RTL4: variants seen among roughly 807,000 people sequenced by gnomAD.
RTL4 encodes retrotransposon Gag-like protein 4.
In RTL4, 4 loss-of-function variants were observed where a neutral mutation model predicts 5.3. The observed-to-expected ratio is 0.75, with a 90% CI of 0.37 to 1.72. RTL4 has a LOEUF of 1.72. RTL4 is among the 40% of genes most tolerant of loss of function. The pLI, the probability that RTL4 is intolerant of heterozygous loss-of-function variation, is 0.04. For missense variants in RTL4, 260 were observed against 227.1 expected (o/e 1.14, Z -0.93); for synonymous variants, 98 against 87.3 (o/e 1.12, Z -0.68).
chrX:112,145,012 T>A, the RTL4 span, among the ~76,000 whole-genome samples: 1 of 111,186 alleles, frequency 9.0e-6, no homozygotes, highest in East Asian at 2.8e-4. Flanking sequence ...TCCTTTTTTT[T>A]TCCTGTAGCA....
the RTL4 span, among the ~76,000 whole-genome samples, chrX:112,126,099 T>C: frequency 0.18 from 19,771 of 110,841 alleles, 2,818 homozygotes; most frequent in African/African-American, 0.48. Flanking sequence ...ATTCCACCCC[T>C]GCAGAAGACT....
At chrX:112,362,936 G>T in the RTL4 span, among the ~76,000 whole-genome samples, 193 of 110,853 alleles carry the variant, frequency 1.7e-3, no homozygotes, top group East Asian at 4.3e-3. Context: ...CCATCCCAAG[G>T]TCTGAGCTGT....
At chrX:112,198,102 T>C in the RTL4 span, among the ~76,000 whole-genome samples, 6 of 111,596 alleles carry the variant, frequency 5.4e-5, no homozygotes, top group Admixed American at 1.9e-4. Context: ...AAGCAGATAA[T>C]GGAGCACTAA....
In RTL4 at chrX:112,456,560, A is replaced by T. The variant is rs771175686; in HGVS notation, c.*899A>T. 5 of 293,387 alleles carry T rather than the reference A, an allele frequency of 1.7e-5. No individual in the cohort carries two copies. In the South Asian group the frequency reaches 1.2e-3, roughly 71 times the overall value. 24.2% of individuals were successfully genotyped at this position (293,387 alleles called of 1,213,427 possible). A position where few individuals can be genotyped will look rare whatever the true frequency, so the allele number is the denominator to read the frequency against. On this transcript the variant is annotated 3_prime_UTR_variant, in exon 1 of 1. Transcript: ENST00000340433. Reference sequence around the variant, plus strand: ...TAGTGAGAGTTGGGGATGGTGTGTCATAATTACTGTATCTGTAGCATGTCC... The same window carrying T: ...TAGTGAGAGTTGGGGATGGTGTGTCTTAATTACTGTATCTGTAGCATGTCC...
the RTL4 span, among the ~76,000 whole-genome samples, chrX:112,254,244 T>TA: frequency 2.7e-5 from 3 of 111,637 alleles, no homozygotes; most frequent in East Asian, 5.6e-4. Context: ...ATGTAAAAGA[T>TA]GTGAAAGACA....
the RTL4 span, among the ~76,000 whole-genome samples, chrX:112,236,030 G>T: frequency 2.7e-5 from 3 of 110,931 alleles, no homozygotes; most frequent in African/African-American, 6.5e-5. Flanking sequence ...CTTTGGAGGC[G>T]GAGTAGGAAA....
chrX:112,104,050 TACCTCTCTCC>T, the RTL4 span, among the ~76,000 whole-genome samples: 1 of 111,533 alleles, frequency 9.0e-6, no homozygotes, highest in African/African-American at 3.3e-5. Flanking sequence ...TCCAAGCCTC[TACCTCTCTCC>T]ATTGCCCTAG....
At chrX:112,239,909 T>C in the RTL4 span, among the ~76,000 whole-genome samples, 1 of 111,704 alleles carries the variant, frequency 9.0e-6, no homozygotes, top group Non-Finnish European at 1.9e-5. Flanking sequence ...TATCCGAGGA[T>C]ACAACTGAGA....
the RTL4 span, among the ~76,000 whole-genome samples, chrX:112,315,497 A>T: frequency 9.0e-5 from 10 of 111,622 alleles, no homozygotes; most frequent in African/African-American, 2.9e-4. Flanking sequence ...TTAAAAATTC[A>T]TGTGAATCTG....
chrX:112,395,740 A>G, the RTL4 span, among the ~76,000 whole-genome samples: 1 of 111,392 alleles, frequency 9.0e-6, no homozygotes, highest in Admixed American at 9.6e-5. Flanking sequence ...TCAGAGAAGC[A>G]ACTTTAGAGG....
the RTL4 span, among the ~76,000 whole-genome samples, chrX:112,368,893 A>T: frequency 8.9e-6 from 1 of 112,532 alleles, no homozygotes; most frequent in African/African-American, 3.2e-5. Context: ...TAATAACCAG[A>T]TGTTGATGTA....
chrX:112,232,903 T>C, the RTL4 span, among the ~76,000 whole-genome samples: 2 of 110,861 alleles, frequency 1.8e-5, no homozygotes, highest in African/African-American at 3.3e-5. Flanking sequence ...CCAAAAATCC[T>C]CACCCTATTT....
At chrX:112,288,696 A>G in the RTL4 span, among the ~76,000 whole-genome samples, 2 of 111,710 alleles carry the variant, frequency 1.8e-5, no homozygotes, top group Non-Finnish European at 3.8e-5. Context: ...GCTCTTCTCT[A>G]TACCATCCTT....
the RTL4 span, among the ~76,000 whole-genome samples, chrX:112,302,001 T>C: frequency 0.24 from 25,326 of 106,748 alleles, 2,506 homozygotes; most frequent in Admixed American, 0.34. Context: ...TGGCTCACGC[T>C]TGTAATCCCA....
chrX:112,370,877 A>G, the RTL4 span, among the ~76,000 whole-genome samples: 1 of 110,496 alleles, frequency 9.1e-6, no homozygotes, highest in Non-Finnish European at 1.9e-5. Context: ...AGAAGCAACA[A>G]ATGTCAGAGC....
At chrX:112,380,149 A>T in the RTL4 span, among the ~76,000 whole-genome samples, 1 of 77,825 alleles carries the variant, frequency 1.3e-5, no homozygotes, top group Non-Finnish European at 2.2e-5. Flanking sequence ...CATGAAGATC[A>T]ATTTTTTTTT....
At chrX:112,418,699 A>G in the RTL4 span, among the ~76,000 whole-genome samples, 1 of 110,669 alleles carries the variant, frequency 9.0e-6, no homozygotes, top group Non-Finnish European at 1.9e-5. Context: ...CATATCCTCA[A>G]CCAGAACATT....
At chrX:112,322,373 A>G in the RTL4 span, among the ~76,000 whole-genome samples, 1 of 105,219 alleles carries the variant, frequency 9.5e-6, no homozygotes, top group Non-Finnish European at 1.9e-5. Context: ...TTTGTAGAGG[A>G]TATCTTAGAG....
the RTL4 span, among the ~76,000 whole-genome samples, chrX:112,324,695 C>T: frequency 1.8e-5 from 2 of 110,974 alleles, no homozygotes; most frequent in Non-Finnish European, 3.8e-5. Flanking sequence ...TTCCTTATTT[C>T]TCCTCTCGTG....
Sources: gnomAD v4.1 joint callset for allele counts (sites outside exome capture counted in the v4.1 genomes callset) on GRCh38, gnomAD v4.1.1 for gene constraint, MANE v1.5 for transcripts, NCBI Gene and HGNC (gene_info 2026-07-23, HGNC 2026-07-21) for gene names.